The following PCDHA5 variants were observed in gnomAD, a reference collection of about 807,000 sequenced individuals.
The protein encoded by PCDHA5 is protocadherin alpha-5.
Under a neutral mutation model 61.6 loss-of-function variants are expected in PCDHA5, and 43 were observed. That is an observed-to-expected ratio of 0.70 (90% CI 0.55 to 0.90). The LOEUF is 0.90. Among genes scored for constraint, PCDHA5 ranks in the 40% least tolerant of loss-of-function variants. The pLI, the probability that PCDHA5 is intolerant of heterozygous loss-of-function variation, is 0.00. For missense variants in PCDHA5, 1,298 were observed against 1,222.7 expected, an observed-to-expected ratio of 1.06 and a Z score of -0.92; for synonymous variants, 627 against 543.9, an observed-to-expected ratio of 1.15 and a Z score of -2.13.
At chr5:140,942,663 A>G (rs2153659608) in intron 1 of PCDHA5, among the ~76,000 whole-genome samples, 1 of 152,294 alleles carries the variant, frequency 6.6e-6, no homozygotes, top group African/African-American at 2.4e-5. Context: ...AAAAGCAATA[A>G]GCACAAAAGT....
At chr5:140,850,964 C>G (rs1554145138) in intron 1 of PCDHA5, 1 of 1,468,876 alleles carries the variant, frequency 6.8e-7, no homozygotes, top group African/African-American at 1.4e-5. Flanking sequence ...TCCCAGGGGC[C>G]GTTCAAATAG....
At chr5:140,973,665 T>G (rs1309458037) in intron 1 of PCDHA5, among the ~76,000 whole-genome samples, 1 of 152,248 alleles carries the variant, frequency 6.6e-6, no homozygotes, top group African/African-American at 2.4e-5. Context: ...CTATTTATTG[T>G]AGCTTGAATG....
intron 1 of PCDHA5, chr5:140,968,919 T>C (rs2096279642): frequency 1.2e-6 from 2 of 1,614,116 alleles, no homozygotes; most frequent in South Asian, 1.1e-5. Flanking sequence ...GTGTCTTTTA[T>C]ATTTCTTTTG....
At chr5:140,964,266 A>G (rs1408040035) in intron 1 of PCDHA5, among the ~76,000 whole-genome samples, 1 of 152,230 alleles carries the variant, frequency 6.6e-6, no homozygotes, top group Admixed American at 6.5e-5. Context: ...CTCCTTAATA[A>G]TTAAGGCAGT....
intron 1 of PCDHA5, chr5:140,877,489 G>A: frequency 6.2e-7 from 1 of 1,613,844 alleles, no homozygotes; most frequent in Non-Finnish European, 8.5e-7. Context: ...GGTGGAGAAC[G>A]GCCAGGCCCC....
chr5:140,858,449 G>C, intron 1 of PCDHA5: 1 of 1,532,030 alleles, frequency 6.5e-7, no homozygotes, highest in East Asian at 2.4e-5. Context: ...GGGTTATTAC[G>C]TTTTCATTTT....
intron 3 of PCDHA5, among the ~76,000 whole-genome samples, chr5:140,987,465 T>C (rs1554249222): frequency 6.6e-6 from 1 of 152,130 alleles, no homozygotes; most frequent in Non-Finnish European, 1.5e-5. Flanking sequence ...TGTTAAGAGC[T>C]CAAGCTTGGG....
intron 3 of PCDHA5, among the ~76,000 whole-genome samples, chr5:140,990,233 G>A (rs782139012): frequency 5.3e-5 from 8 of 152,128 alleles, no homozygotes; most frequent in Non-Finnish European, 8.8e-5. Flanking sequence ...TGTAACTAGC[G>A]TTGTATTCCT....
Position 140,979,220 on chromosome 5 carries a change from C to T in PCDHA5, c.2411+213C>T, listed in dbSNP as rs552719327. ...TATCAAGTGCTGGCATATAAGAGTC[C>T]TCTGTAAAATCACAGAAACAGGCTG... On this transcript the variant is annotated intron_variant, in intron 2 of 3. Transcript: ENST00000529859. Among the ~76,000 whole-genome samples, 27 of 152,304 alleles carry T rather than the reference C, an allele frequency of 1.8e-4. 1 individual carries two copies. The highest frequency in any genetic ancestry group is 6.3e-4 in the African/African-American group (26 of 41,574).
intron 1 of PCDHA5, chr5:140,928,323 T>C: frequency 1.2e-6 from 2 of 1,614,178 alleles, no homozygotes; most frequent in Non-Finnish European, 1.7e-6. Context: ...TGGGGAAGAA[T>C]GGCCTTGTCT....
intron 1 of PCDHA5, among the ~76,000 whole-genome samples, chr5:140,874,790 A>C (rs2055107111): frequency 6.6e-6 from 1 of 152,254 alleles, no homozygotes; most frequent in East Asian, 1.9e-4. Context: ...TCTAACTTTC[A>C]TCAGATTTAT....
At chr5:140,870,777 C>G in intron 1 of PCDHA5, 3 of 1,613,612 alleles carry the variant, frequency 1.9e-6, no homozygotes, top group East Asian at 4.5e-5. Context: ...TGGACGAGAA[C>G]GACAACGCGC....
chr5:140,875,371 C>T (rs2055439966), intron 1 of PCDHA5: 2 of 1,451,152 alleles, frequency 1.4e-6, no homozygotes, highest in African/African-American at 1.4e-5. Flanking sequence ...AAAAAATTTA[C>T]TAAATATGTA....
chr5:140,847,831 C>T (rs2150404458), intron 1 of PCDHA5: 1 of 149,692 alleles, frequency 6.7e-6, no homozygotes, highest in East Asian at 1.9e-4. Flanking sequence ...AAGAAAACTA[C>T]CTCAGTTGGT....
intron 1 of PCDHA5, chr5:140,853,946 G>A (rs2042919136): frequency 1.2e-6 from 1 of 805,184 alleles, no homozygotes; most frequent in Non-Finnish European, 1.5e-6. Flanking sequence ...AGGTGGGAGG[G>A]TCCCTTCCTT....
At chr5:140,897,772 C>T (rs1393087365) in intron 1 of PCDHA5, among the ~76,000 whole-genome samples, 2 of 152,192 alleles carry the variant, frequency 1.3e-5, no homozygotes, top group Non-Finnish European at 2.9e-5. Context: ...ACACTGACTT[C>T]CACAATGGTT....
At chr5:140,935,996 G>C (rs145363850) in intron 1 of PCDHA5, among the ~76,000 whole-genome samples, 1,644 of 150,942 alleles carry the variant, frequency 0.011, 22 homozygotes, top group African/African-American at 0.037. Flanking sequence ...GGGTTCAAGC[G>C]ATTCTCCCAC....
chr5:140,844,559 T>A (rs2150371995), intron 1 of PCDHA5, among the ~76,000 whole-genome samples: 6 of 149,706 alleles, frequency 4.0e-5, no homozygotes, highest in African/African-American at 1.5e-4. Flanking sequence ...AGTTGGAATA[T>A]TTTCAATAAT....
rs148479176 is a variant in PCDHA5, at chr5:140,884,341, G to A, written c.2352+60214G>A. 6.0e-4 allele frequency: 973 copies of A among 1,613,910 alleles called. 19 individuals carry two copies. In the South Asian group the frequency reaches 7.4e-3, roughly 12 times the overall value. On this transcript the variant is annotated intron_variant, in intron 1 of 3. Transcript: ENST00000529859. ...CGGCAGGCGCTGTGGGTCCAGAAGC[G>A]GCGCTGGTGGATGTCAATGTTTACT...
Sources: gnomAD v4.1 joint callset for allele counts (sites outside exome capture counted in the v4.1 genomes callset) on GRCh38, gnomAD v4.1.1 for gene constraint, MANE v1.5 for transcripts, NCBI Gene and HGNC (gene_info 2026-07-23, HGNC 2026-07-21) for gene names.